The following CDK14 variants were observed in gnomAD, a reference collection of about 807,000 sequenced individuals.
CDK14 encodes cyclin-dependent kinase 14.
Under a neutral mutation model 60.7 loss-of-function variants are expected in CDK14, and 34 were observed. The observed-to-expected ratio is 0.56, with a 90% CI of 0.43 to 0.75. The LOEUF is 0.75. Ranked by LOEUF, CDK14 falls within the 30% of genes least tolerant of loss-of-function variation. The probability of loss-of-function intolerance (pLI) is 0.00; values close to 1 mark genes in which losing one functional copy is unlikely to be tolerated. For missense variants in CDK14, 482 were observed against 564.1 expected (o/e 0.85, Z 1.47); for synonymous variants, 197 against 203.7 (o/e 0.97, Z 0.28).
intron 10 of CDK14, among the ~76,000 whole-genome samples, chr7:90,994,284 A>G (rs922113532): frequency 3.3e-5 from 5 of 152,154 alleles, no homozygotes; most frequent in African/African-American, 1.2e-4. Context: ...GGGCTCTCCA[A>G]GGGTTCTTGC....
chr7:90,704,442 A>G (rs1801853320), intron 2 of CDK14, among the ~76,000 whole-genome samples: 1 of 152,170 alleles, frequency 6.6e-6, no homozygotes, highest in Non-Finnish European at 1.5e-5. Context: ...GATGAAGAAA[A>G]TGTGGCATGT....
At chr7:91,176,138 A>T (rs1305206116) in intron 14 of CDK14, among the ~76,000 whole-genome samples, 1 of 151,696 alleles carries the variant, frequency 6.6e-6, no homozygotes, top group East Asian at 1.9e-4. Context: ...TCAAACTAGA[A>T]CTCAGGATTA....
At chr7:90,844,257 C>G (rs565769940) in intron 5 of CDK14, among the ~76,000 whole-genome samples, 1 of 152,194 alleles carries the variant, frequency 6.6e-6, no homozygotes, top group Non-Finnish European at 1.5e-5. Flanking sequence ...AAATTCTAAT[C>G]TGCTTTTGAT....
At chr7:90,852,621 A>G (rs980781691) in intron 5 of CDK14, among the ~76,000 whole-genome samples, 4 of 152,204 alleles carry the variant, frequency 2.6e-5, no homozygotes, top group African/African-American at 9.7e-5. Context: ...AACACCCCGA[A>G]CATTTGAGTG....
intron 12 of CDK14, among the ~76,000 whole-genome samples, 153 bp downstream of exon 12, chr7:91,079,633 G>T (rs1206841390): frequency 6.6e-6 from 1 of 152,112 alleles, no homozygotes; most frequent in Non-Finnish European, 1.5e-5. Context: ...TTAACTGTGT[G>T]CTAGCTACTA....
intron 12 of CDK14, among the ~76,000 whole-genome samples, chr7:91,093,259 G>A (rs2116282456): frequency 6.6e-6 from 1 of 152,274 alleles, no homozygotes; most frequent in South Asian, 2.1e-4. Flanking sequence ...GCATGCTTTT[G>A]CACTGTTGCG....
chr7:91,139,772 T>TTTTCTTTC (rs1298538773), intron 14 of CDK14, among the ~76,000 whole-genome samples: 2 of 127,420 alleles, frequency 1.6e-5, no homozygotes, highest in Admixed American at 8.3e-5. Context: ...TCTTTTCTTT[T>TTTTCTTTC]CTTTTTTTCT....
chr7:90,775,949 C>A (rs1375549048), intron 4 of CDK14, among the ~76,000 whole-genome samples: 2 of 151,960 alleles, frequency 1.3e-5, no homozygotes, highest in Admixed American at 6.6e-5. Flanking sequence ...TGTATAAAAA[C>A]TCATAGAGAA....
At chr7:91,134,447 G>A (rs1800210444) in intron 14 of CDK14, among the ~76,000 whole-genome samples, 1 of 152,070 alleles carries the variant, frequency 6.6e-6, no homozygotes, top group Non-Finnish European at 1.5e-5. Context: ...CAGAAGTTAA[G>A]ATTCTTGACC....
chr7:91,122,841 C>G (rs1482551966), intron 14 of CDK14, among the ~76,000 whole-genome samples: 1 of 152,170 alleles, frequency 6.6e-6, no homozygotes, highest in African/African-American at 2.4e-5. Flanking sequence ...GCTGTTGTGT[C>G]AGTCACCCCT....
intron 5 of CDK14, among the ~76,000 whole-genome samples, chr7:90,851,906 C>T (rs549165994): frequency 6.6e-6 from 1 of 152,040 alleles, no homozygotes; most frequent in Admixed American, 6.6e-5. Flanking sequence ...ATAGTGTAAC[C>T]TCAAATTCTT....
At chr7:90,700,973 G>A (rs192734313) in intron 2 of CDK14, among the ~76,000 whole-genome samples, 6 of 152,272 alleles carry the variant, frequency 3.9e-5, no homozygotes, top group Non-Finnish European at 1.5e-5. Flanking sequence ...TCTTTCAGTC[G>A]TGAAATACAG....
intron 2 of CDK14, among the ~76,000 whole-genome samples, chr7:90,684,815 A>T (rs1180964183): frequency 2.6e-5 from 4 of 151,896 alleles, no homozygotes; most frequent in African/African-American, 9.7e-5. Flanking sequence ...TTATCCATCT[A>T]CCCACCCATG....
intron 7 of CDK14, among the ~76,000 whole-genome samples, chr7:90,916,421 A>C (rs1204467082): frequency 6.6e-6 from 1 of 152,182 alleles, no homozygotes; most frequent in East Asian, 1.9e-4. Context: ...CTCGCATACA[A>C]AGATTTTGAG....
chr7:90,792,339 C>T (rs1805867068), intron 5 of CDK14, among the ~76,000 whole-genome samples: 1 of 152,050 alleles, frequency 6.6e-6, no homozygotes, highest in Middle Eastern at 3.2e-3. Flanking sequence ...TTTCATATAT[C>T]CACCTGCCTA....
intron 4 of CDK14, among the ~76,000 whole-genome samples, chr7:90,765,821 A>G (rs774175914): frequency 1.3e-5 from 2 of 152,198 alleles, no homozygotes; most frequent in African/African-American, 2.4e-5. Context: ...GAGTATGTAT[A>G]TAGACTATGA....
chr7:91,098,891 C>A (rs697402), intron 12 of CDK14, among the ~76,000 whole-genome samples: 85,977 of 151,944 alleles, frequency 0.57, 25,968 homozygotes, highest in East Asian at 0.83. Flanking sequence ...AGTGAAAAAT[C>A]TGATATATTT....
chr7:91,103,776 A>G (rs1799207029), intron 12 of CDK14, among the ~76,000 whole-genome samples: 1 of 152,114 alleles, frequency 6.6e-6, no homozygotes, highest in South Asian at 2.1e-4. Flanking sequence ...GTTTTTCACT[A>G]TTCATGTTAC....
At chr7:91,069,979 G>C (rs996388705) in intron 11 of CDK14, among the ~76,000 whole-genome samples, 2 of 151,934 alleles carry the variant, frequency 1.3e-5, no homozygotes, top group African/African-American at 4.8e-5. Context: ...CAATTTTTTT[G>C]TAGAGGTGGG....
Sources: gnomAD v4.1 joint callset for allele counts (sites outside exome capture counted in the v4.1 genomes callset) on GRCh38, gnomAD v4.1.1 for gene constraint, MANE v1.5 for transcripts, NCBI Gene and HGNC (gene_info 2026-07-23, HGNC 2026-07-21) for gene names.